Variants in SNX29 observed in about 807,000 individuals in gnomAD.
SNX29 encodes sorting nexin 29.
In SNX29, 78 loss-of-function variants were observed where a neutral mutation model predicts 102.1. That is an observed-to-expected ratio of 0.76 (90% CI 0.64 to 0.92). SNX29 has a LOEUF of 0.92. Among genes scored for constraint, SNX29 ranks in the 40% least tolerant of loss-of-function variants. SNX29 has a pLI of 0.00. For missense variants in SNX29, 1,280 were observed against 1,061.7 expected, an observed-to-expected ratio of 1.21 and a Z score of -2.86; for synonymous variants, 580 against 414.5, an observed-to-expected ratio of 1.40 and a Z score of -4.85.
chr16:12,543,322 G>A (rs1207288319), intron 20 of SNX29, among the ~76,000 whole-genome samples: 1 of 152,192 alleles, frequency 6.6e-6, no homozygotes, highest in Non-Finnish European at 1.5e-5. Context: ...ACCTTGATTA[G>A]CCAAATCTGG....
chr16:12,570,529 G>C lies in SNX29; in HGVS notation c.*1900G>C, dbSNP rs1233268415. The C allele has an allele frequency of 4.3e-6, 1 of 232,464 alleles. No homozygotes were observed. Among genetic ancestry groups the C allele is most frequent in the Non-Finnish European group, 8.5e-6 (1 of 117,668 alleles). 14.4% of individuals were successfully genotyped at this position (232,464 alleles called of 1,614,324 possible). ...GGGTTTATGCCACATCGGTCATTTT[G>C]AAGTAGGTGTTTGATGCCAGCTCAG... is the stretch of plus-strand genomic sequence containing the variant. On this transcript the variant is annotated 3_prime_UTR_variant, in exon 21 of 21. Transcript: ENST00000566228.
At chr16:11,998,612 C>T (rs1193456036) in intron 1 of SNX29, among the ~76,000 whole-genome samples, 1 of 152,180 alleles carries the variant, frequency 6.6e-6, no homozygotes, top group East Asian at 1.9e-4. Flanking sequence ...ACTCTGGCTC[C>T]ACCCAACATG....
intron 15 of SNX29, among the ~76,000 whole-genome samples, chr16:12,286,286 C>G (rs542363446): frequency 6.6e-6 from 1 of 151,848 alleles, no homozygotes; most frequent in South Asian, 2.1e-4. Context: ...TAGTTTCTAG[C>G]AGGATAGGTG....
chr16:12,056,955 A>T (rs1163527221), intron 8 of SNX29, among the ~76,000 whole-genome samples: 2 of 127,824 alleles, frequency 1.6e-5, no homozygotes, highest in African/African-American at 5.1e-5. Context: ...CTGAGTAGCT[A>T]GGACTATAGG....
rs210710 is a variant in SNX29 at position 12,515,292 on chromosome 16, G to A, written c.2179-9410G>A. 2.1e-3 allele frequency among the ~76,000 whole-genome samples: 326 copies of A among 152,244 alleles called. 1 individual carries two copies. Among genetic ancestry groups the A allele is most frequent in the Non-Finnish European group, 3.1e-3 (208 of 68,010 alleles). On this transcript the variant is annotated intron_variant, in intron 19 of 20. Coordinates refer to ENST00000566228, the MANE Select transcript of SNX29 (RefSeq NM_032167.5). ...AGCTGACTGTAAGTTCCACGAAGGC[G>A]GGATCCACAGGTCTCATTTATCTTT...
chr16:12,559,796 A>G (rs74010795), intron 20 of SNX29, among the ~76,000 whole-genome samples: 2,408 of 152,212 alleles, frequency 0.016, 41 homozygotes, highest in African/African-American at 0.05. Context: ...CTTCGTCCTT[A>G]CTATCTTCCA....
chr16:12,145,430 T>A (rs2055027550), intron 13 of SNX29, among the ~76,000 whole-genome samples: 1 of 152,206 alleles, frequency 6.6e-6, no homozygotes, highest in East Asian at 1.9e-4. Context: ...ATACAAGATT[T>A]TTTTTCCCTG....
chr16:12,508,531 G>C (rs1245898775), intron 19 of SNX29, among the ~76,000 whole-genome samples: 1 of 152,218 alleles, frequency 6.6e-6, no homozygotes, highest in African/African-American at 2.4e-5. Context: ...TTTGAGAATG[G>C]AGAGATCTTG....
At chr16:12,538,210 G>C (rs1401507981) in intron 20 of SNX29, among the ~76,000 whole-genome samples, 1 of 152,056 alleles carries the variant, frequency 6.6e-6, no homozygotes. Context: ...CTGTGTTCTG[G>C]GTTCATGCCA....
intron 14 of SNX29, among the ~76,000 whole-genome samples, chr16:12,267,570 G>A (rs1019739036): frequency 6.6e-6 from 1 of 152,184 alleles, no homozygotes; most frequent in Non-Finnish European, 1.5e-5. Flanking sequence ...TGGAGCCCAA[G>A]ACCATGGCAG....
intron 13 of SNX29, among the ~76,000 whole-genome samples, chr16:12,141,876 C>T (rs2054881041): frequency 6.6e-6 from 1 of 152,154 alleles, no homozygotes; most frequent in Admixed American, 6.5e-5. Context: ...TCCTCCTGAC[C>T]TCCCATCTCA....
At chr16:12,565,523 C>T (rs985119028) in intron 20 of SNX29, among the ~76,000 whole-genome samples, 1 of 152,236 alleles carries the variant, frequency 6.6e-6, no homozygotes, top group Non-Finnish European at 1.5e-5. Context: ...GGCTCTGCTC[C>T]ACATGGCCTC....
chr16:12,111,605 A>G (rs2141268984), intron 11 of SNX29, among the ~76,000 whole-genome samples: 1 of 152,314 alleles, frequency 6.6e-6, no homozygotes, highest in South Asian at 2.1e-4. Context: ...CCAAGATGGC[A>G]GGCAGCAAGG....
chr16:12,037,749 C>G (rs955239198), intron 4 of SNX29, among the ~76,000 whole-genome samples: 1 of 150,580 alleles, frequency 6.6e-6, no homozygotes, highest in African/African-American at 2.5e-5. Context: ...TCTAGGAGTT[C>G]AAGACCAGCT....
intron 14 of SNX29, among the ~76,000 whole-genome samples, chr16:12,221,880 A>G (rs1156688207): frequency 1.3e-5 from 2 of 152,170 alleles, no homozygotes; most frequent in Non-Finnish European, 2.9e-5. Flanking sequence ...AGGAACTCCC[A>G]AGAGAGGGGT....
chr16:12,536,584 T>C (rs2077088424), intron 20 of SNX29, among the ~76,000 whole-genome samples: 1 of 152,168 alleles, frequency 6.6e-6, no homozygotes, highest in African/African-American at 2.4e-5. Flanking sequence ...AGTTCACACC[T>C]AGCACAGAGA....
intron 18 of SNX29, among the ~76,000 whole-genome samples, chr16:12,468,020 G>A (rs1018368433): frequency 2.0e-5 from 3 of 152,030 alleles, no homozygotes; most frequent in Non-Finnish European, 4.4e-5. Flanking sequence ...GTCACCTCCA[G>A]TATCGTCTTG....
chr16:12,050,671 C>A (rs2050261615), intron 7 of SNX29, among the ~76,000 whole-genome samples: 1 of 151,998 alleles, frequency 6.6e-6, no homozygotes, highest in African/African-American at 2.4e-5. Context: ...AAGCTGAGAC[C>A]TTTTAACACC....
chr16:12,057,606 A>C (rs146293223), intron 8 of SNX29, among the ~76,000 whole-genome samples: 2 of 152,294 alleles, frequency 1.3e-5, no homozygotes, highest in East Asian at 3.9e-4. Flanking sequence ...TCTAGATACC[A>C]AAGTTCTTAT....
Sources: allele counts gnomAD v4.1 joint callset (sites outside exome capture counted in the v4.1 genomes callset), GRCh38; gene constraint gnomAD v4.1.1; transcripts MANE v1.5; gene names NCBI Gene and HGNC (gene_info 2026-07-23, HGNC 2026-07-21).